The following NCOA3 variants were observed in gnomAD, a reference collection of about 807,000 sequenced individuals.
The protein encoded by NCOA3 is nuclear receptor coactivator 3.
NCOA3 carries 51 observed loss-of-function variants against 158.8 expected under a neutral mutation model. The observed-to-expected ratio is 0.32, with a 90% CI of 0.26 to 0.41. The LOEUF is 0.41. NCOA3 is among the 10% of genes least tolerant of loss of function. The pLI is 1.00. For missense variants in NCOA3, 1,510 were observed against 1,746.6 expected (o/e 0.86, Z 2.41); for synonymous variants, 537 against 592.4 (o/e 0.91, Z 1.36).
chr20:47,596,425 A>T (rs572159486), intron 2 of NCOA3, among the ~76,000 whole-genome samples: 4 of 152,218 alleles, frequency 2.6e-5, no homozygotes, highest in African/African-American at 9.6e-5. Context: ...TAAACATTAG[A>T]GTTTCTTCTA....
intron 19 of NCOA3, 41 bp from the exon 20 acceptor site, chr20:47,650,925 ATGCAACTGGCAGGTTC>A: frequency 6.6e-7 from 1 of 1,518,490 alleles, no homozygotes; most frequent in Non-Finnish European, 9.1e-7. Flanking sequence ...TACTATATGT[ATGCAACTGGCAGGTTC>A]TTGCTATATA....
chr20:47,602,290 A>G (rs879859257), intron 2 of NCOA3, among the ~76,000 whole-genome samples: 2 of 152,166 alleles, frequency 1.3e-5, no homozygotes, highest in Non-Finnish European at 2.9e-5. Flanking sequence ...CTTTTTTCTA[A>G]ACCAACTATT....
chr20:47,566,574 C>T lies in NCOA3; in HGVS notation c.-98-16609C>T, dbSNP rs149617605. Among the ~76,000 whole-genome samples the T allele has an allele frequency of 2.5e-3, 382 of 151,654 alleles. 1 individual carries two copies. The highest frequency in any genetic ancestry group is 8.8e-3 in the African/African-American group (365 of 41,346). On this transcript the variant is annotated intron_variant, in intron 1 of 22. Coordinates refer to ENST00000371998, the MANE Select transcript of NCOA3 (RefSeq NM_181659.3). ...TCTCCCAGGCTGGAGTGCAGTGGTG[C>T]CATTTCAGCTCACCGCACCCTCAAC...
intron 1 of NCOA3, among the ~76,000 whole-genome samples, chr20:47,508,047 G>C: frequency 6.6e-6 from 1 of 151,526 alleles, no homozygotes; most frequent in East Asian, 1.9e-4. Context: ...AAATTGTATT[G>C]TTTAAAAAAA....
chr20:47,520,855 A>G (rs1275713635), intron 1 of NCOA3, among the ~76,000 whole-genome samples: 1 of 152,206 alleles, frequency 6.6e-6, no homozygotes, highest in Non-Finnish European at 1.5e-5. Context: ...GTGTGCTGGT[A>G]TAAATCCCAC....
chr20:47,637,285 C>T (rs977397916), intron 12 of NCOA3, among the ~76,000 whole-genome samples: 2 of 152,142 alleles, frequency 1.3e-5, no homozygotes, highest in African/African-American at 4.8e-5. Context: ...CCAGCTTGCT[C>T]CTTTTATTAT....
At chr20:47,646,777 A>G (rs986197257) in intron 17 of NCOA3, among the ~76,000 whole-genome samples, 32 of 152,208 alleles carry the variant, frequency 2.1e-4, no homozygotes, top group Non-Finnish European at 8.8e-5. Flanking sequence ...CATGCTTGGC[A>G]TTCAGTGCCT....
intron 2 of NCOA3, among the ~76,000 whole-genome samples, chr20:47,607,051 GA>G (rs1217296314): frequency 6.6e-6 from 1 of 152,178 alleles, no homozygotes; most frequent in Admixed American, 6.5e-5. Flanking sequence ...TTATCTAAAT[GA>G]CCCGGTGTTT....
intron 2 of NCOA3, among the ~76,000 whole-genome samples, chr20:47,605,366 A>G (rs778155043): frequency 6.6e-5 from 10 of 151,868 alleles, no homozygotes; most frequent in Non-Finnish European, 1.3e-4. Context: ...TATTATTGCA[A>G]TGTTGGTGAT....
intron 2 of NCOA3, among the ~76,000 whole-genome samples, chr20:47,593,711 C>T (rs2146244568): frequency 6.6e-6 from 1 of 152,118 alleles, no homozygotes; most frequent in Non-Finnish European, 1.5e-5. Context: ...AAAATAAGAA[C>T]ATTATAAAGT....
chr20:47,639,201 G>A lies in NCOA3; in HGVS notation c.2706G>A (p.Met902Ile). Reference sequence around the variant, plus strand: ...GTCAGGAAAATTATGGCTCAAGTATGGGTACGTTATTTCTAATTAGTATGT... The same window carrying A: ...GTCAGGAAAATTATGGCTCAAGTATAGGTACGTTATTTCTAATTAGTATGT... ...MDSQENYGSS[M>I]GGPNRNVTVT... Residue 902 changes from methionine (M) to isoleucine (I), a missense_variant and splice_region_variant, in exon 14 of 23, where the codon ATG becomes ATA. Physicochemically the swap from Met to Ile is conservative, Grantham distance 10. This residue lies in a region of NCOA3 where 1,017 missense variants were observed against 1,098.3 expected (regional missense o/e 0.93). Coordinates refer to ENST00000371998, the MANE Select transcript of NCOA3 (RefSeq NM_181659.3). The A allele has an allele frequency of 1.2e-6, 2 of 1,607,186 alleles. No individual in the cohort carries two copies. Among genetic ancestry groups the A allele is most frequent in the Non-Finnish European group, 1.7e-6 (2 of 1,174,354 alleles).
chr20:47,585,926 GTTT>G (rs61328257), intron 2 of NCOA3, among the ~76,000 whole-genome samples: 4 of 135,584 alleles, frequency 3.0e-5, no homozygotes, highest in Non-Finnish European at 3.2e-5. Context: ...ATCTCCACAG[GTTT>G]TTTTTTTTTT....
chr20:47,542,831 A>G (rs2084767543), intron 1 of NCOA3, among the ~76,000 whole-genome samples: 2 of 152,126 alleles, frequency 1.3e-5, no homozygotes, highest in Admixed American at 6.5e-5. Context: ...GCATGGTGGC[A>G]CATACCTGTT....
intron 8 of NCOA3, among the ~76,000 whole-genome samples, chr20:47,629,784 C>T (rs2086383603): frequency 1.3e-5 from 2 of 152,224 alleles, no homozygotes; most frequent in African/African-American, 2.4e-5. Context: ...CTTGAATAGC[C>T]ATGTTTTACA....
At chr20:47,641,324 C>CTTTTTTTTTTTTTTTTTTTTTT in intron 16 of NCOA3, among the ~76,000 whole-genome samples, 1 of 96,600 alleles carries the variant, frequency 1.0e-5, no homozygotes, top group Non-Finnish European at 2.0e-5. Flanking sequence ...CTCAACATTT[C>CTTTTTTTTTTTTTTTTTTTTTT]TTTTTTTTTT....
intron 2 of NCOA3, among the ~76,000 whole-genome samples, chr20:47,584,748 G>A (rs919118768): frequency 6.6e-6 from 1 of 151,984 alleles, no homozygotes; most frequent in South Asian, 2.1e-4. Flanking sequence ...AGGAAATGTT[G>A]GTCCTACTGT....
At chr20:47,623,578 A>C (rs1213438503) in intron 3 of NCOA3, among the ~76,000 whole-genome samples, 1 of 152,014 alleles carries the variant, frequency 6.6e-6, no homozygotes, top group East Asian at 1.9e-4. Context: ...ACCTGAGGTC[A>C]GGAGTTCAAG....
chr20:47,583,694 G>A (rs1239941758), intron 2 of NCOA3, among the ~76,000 whole-genome samples: 1 of 152,256 alleles, frequency 6.6e-6, no homozygotes, highest in Non-Finnish European at 1.5e-5. Context: ...AGTGACTCAT[G>A]TTTATAATCC....
At chr20:47,512,701 TACC>T (rs2084166770) in intron 1 of NCOA3, among the ~76,000 whole-genome samples, 1 of 151,964 alleles carries the variant, frequency 6.6e-6, no homozygotes, top group South Asian at 2.1e-4. Context: ...TACAATGAGA[TACC>T]ACTATACACT....
Sources: allele counts gnomAD v4.1 joint callset (sites outside exome capture counted in the v4.1 genomes callset), GRCh38; gene constraint gnomAD v4.1.1; regional missense constraint gnomAD v4.1.1; transcripts MANE v1.5; gene names NCBI Gene and HGNC (gene_info 2026-07-23, HGNC 2026-07-21).